The following TMEM163 variants were observed in gnomAD, a reference collection of about 807,000 sequenced individuals.
The protein encoded by TMEM163 is transmembrane protein 163.
In TMEM163, 17 loss-of-function variants were observed where a neutral mutation model predicts 29.3. The observed-to-expected ratio is 0.58, with a 90% CI of 0.40 to 0.87. The LOEUF is 0.87. TMEM163 is among the 40% of genes least tolerant of loss of function. The pLI is 0.00. For synonymous variants in TMEM163, 157 were observed against 160.6 expected, an observed-to-expected ratio of 0.98 and a Z score of 0.17; for missense variants, 303 against 381.5, an observed-to-expected ratio of 0.79 and a Z score of 1.71.
intron 4 of TMEM163, among the ~76,000 whole-genome samples, chr2:134,546,008 T>G (rs1420576545): frequency 6.6e-6 from 1 of 152,174 alleles, no homozygotes; most frequent in Non-Finnish European, 1.5e-5. Context: ...CTGTTGAAAA[T>G]CCTGGCCATG....
intron 2 of TMEM163, among the ~76,000 whole-genome samples, chr2:134,647,603 C>G (rs1297107404): frequency 6.6e-6 from 1 of 152,244 alleles, no homozygotes; most frequent in Non-Finnish European, 1.5e-5. Flanking sequence ...TCCCTACACA[C>G]CACAGATACT....
At chr2:134,703,078 G>C (rs1257764802) in intron 2 of TMEM163, among the ~76,000 whole-genome samples, 1 of 152,222 alleles carries the variant, frequency 6.6e-6, no homozygotes, top group East Asian at 1.9e-4. Flanking sequence ...TGGTTTGAAA[G>C]CTACACCTCC....
intron 6 of TMEM163, among the ~76,000 whole-genome samples, chr2:134,462,355 A>G (rs1686563845): frequency 6.6e-6 from 1 of 152,106 alleles, no homozygotes; most frequent in Admixed American, 6.5e-5. Context: ...AGGGCTCTGC[A>G]GAAAACAGCA....
At chr2:134,618,075 C>G (rs557443472) in intron 2 of TMEM163, among the ~76,000 whole-genome samples, 47 of 152,080 alleles carry the variant, frequency 3.1e-4, no homozygotes, top group African/African-American at 1.1e-3. Context: ...GATCACATCA[C>G]TACAGTCCAG....
In TMEM163 at chr2:134,497,113, G is replaced by A. The variant is rs147264667; in HGVS notation, c.555+5788C>T. 1.6e-3 allele frequency among the ~76,000 whole-genome samples: 240 copies of A among 152,274 alleles called. 4 individuals are homozygous for A. Among genetic ancestry groups the A allele is most frequent in the African/African-American group, 5.5e-3 (228 of 41,532 alleles). On this transcript the variant is annotated intron_variant, in intron 5 of 7. Transcript: ENST00000281924. Reference sequence around the variant, plus strand: ...AGCTCCTCTGTGTTCTCATGTGATCGTGTCTATTATAGCTGTTATCACTAC... The same window carrying A: ...AGCTCCTCTGTGTTCTCATGTGATCATGTCTATTATAGCTGTTATCACTAC...
intron 6 of TMEM163, among the ~76,000 whole-genome samples, chr2:134,463,800 AAC>A (rs1391825111): frequency 6.6e-6 from 1 of 152,180 alleles, no homozygotes; most frequent in Non-Finnish European, 1.5e-5. Flanking sequence ...TGCGGCACCT[AAC>A]AGAGTGTAAA....
intron 2 of TMEM163, among the ~76,000 whole-genome samples, chr2:134,706,775 G>A (rs971290808): frequency 6.6e-6 from 1 of 152,138 alleles, no homozygotes; most frequent in Admixed American, 6.5e-5. Flanking sequence ...GAGGAGGTGA[G>A]GCCAGCCAGG....
At chr2:134,662,515 T>C (rs1373963719) in intron 2 of TMEM163, among the ~76,000 whole-genome samples, 1 of 152,148 alleles carries the variant, frequency 6.6e-6, no homozygotes, top group Non-Finnish European at 1.5e-5. Context: ...ATTATTCATA[T>C]AATTTCAAAA....
At chr2:134,588,953 A>G (rs966114491) in intron 2 of TMEM163, among the ~76,000 whole-genome samples, 14 of 152,172 alleles carry the variant, frequency 9.2e-5, no homozygotes, top group Non-Finnish European at 1.9e-4. Context: ...TTAGTAGGAA[A>G]TGGGGGACAT....
Position 134,465,432 on chromosome 2 carries a change from A to G in TMEM163, c.667+682T>C, listed in dbSNP as rs1217783144. ...TGACCCCTGGGCTCCGCACATGCCCAGGAATAAATCAAAGCAACATGTCCA... is the reference window on the plus strand; with the variant it reads ...TGACCCCTGGGCTCCGCACATGCCCGGGAATAAATCAAAGCAACATGTCCA... On this transcript the variant is annotated intron_variant, in intron 6 of 7. Coordinates refer to ENST00000281924, the MANE Select transcript of TMEM163 (RefSeq NM_030923.5). Among the ~76,000 whole-genome samples the G allele has an allele frequency of 4.6e-5, 7 of 152,342 alleles. No individual in the cohort carries two copies. In the East Asian group the frequency reaches 1.2e-3, roughly 25 times the overall value.
At chr2:134,473,890 C>T (rs1458350143) in intron 5 of TMEM163, among the ~76,000 whole-genome samples, 2 of 152,196 alleles carry the variant, frequency 1.3e-5, no homozygotes, top group African/African-American at 4.8e-5. Context: ...TCTCACAAAA[C>T]TTCAGGCCCC....
chr2:134,466,617 C>T (rs961901057), intron 5 of TMEM163: 2 of 185,752 alleles, frequency 1.1e-5, no homozygotes, highest in South Asian at 1.1e-4. Flanking sequence ...TTTTGGAACA[C>T]GTAAACACAC....
In TMEM163 at chr2:134,718,765, G is replaced by A; in HGVS notation, c.171C>T (p.Ser57=). 6 of 1,154,042 alleles carry A rather than the reference G, an allele frequency of 5.2e-6. No individual in the cohort carries two copies. The highest frequency in any genetic ancestry group is 6.4e-6 in the Non-Finnish European group (6 of 938,248). The allele number at this position is 1,154,042 out of a possible 1,614,324, so 71.5% of individuals were successfully genotyped here. ...CCTCCAGCCCGTCGCTGAACTGGCC[G>A]CTCTCGCTGATCCGCACCTGCCGCT... ...EEERQVRISE[S]GQFSDGLEDR... Residue 57 remains serine, a synonymous_variant, in exon 1 of 8, where the codon AGC becomes AGT. Coordinates refer to ENST00000281924, the MANE Select transcript of TMEM163 (RefSeq NM_030923.5).
chr2:134,673,377 C>A (rs901973367), intron 2 of TMEM163, among the ~76,000 whole-genome samples: 2 of 152,282 alleles, frequency 1.3e-5, no homozygotes, highest in Middle Eastern at 6.8e-3. Flanking sequence ...AGTTCCCACT[C>A]CCTTCAAGCC....
chr2:134,526,453 C>T (rs776106001), intron 4 of TMEM163, among the ~76,000 whole-genome samples: 4 of 152,144 alleles, frequency 2.6e-5, no homozygotes, highest in Non-Finnish European at 4.4e-5. Context: ...CCCCATAAAT[C>T]GGAGAAGGTT....
chr2:134,543,024 T>G (rs1483300201), intron 4 of TMEM163, among the ~76,000 whole-genome samples: 1 of 152,204 alleles, frequency 6.6e-6, no homozygotes. Context: ...CTTCACTTGT[T>G]TACATCTGCA....
intron 2 of TMEM163, among the ~76,000 whole-genome samples, chr2:134,690,856 G>A (rs1684449580): frequency 6.6e-6 from 1 of 152,148 alleles, no homozygotes; most frequent in Admixed American, 6.5e-5. Context: ...TCAGTGAAAC[G>A]GAAATACACT....
At chr2:134,530,284 T>C (rs1434492388) in intron 4 of TMEM163, among the ~76,000 whole-genome samples, 1 of 152,120 alleles carries the variant, frequency 6.6e-6, no homozygotes, top group Admixed American at 6.5e-5. Context: ...GTTTAATATA[T>C]ACATTGAGAC....
At position 134,573,371 on chromosome 2, in the gene TMEM163, G is replaced by A. The variant is rs190230136; in HGVS notation, c.323-21280C>T. On this transcript the variant is annotated intron_variant, in intron 2 of 7. Coordinates refer to ENST00000281924, the MANE Select transcript of TMEM163 (RefSeq NM_030923.5). ...AAGTAGTATTTAAATGTATCAGAAA[G>A]GTATAAGCCAGTGTTTCTCAACCGG... Among the ~76,000 whole-genome samples, 3 of 152,328 alleles carry A rather than the reference G, an allele frequency of 2.0e-5. No individual in the cohort carries two copies. In the East Asian group the frequency reaches 5.8e-4, roughly 29 times the overall value.
Sources: allele counts gnomAD v4.1 joint callset (sites outside exome capture counted in the v4.1 genomes callset), GRCh38; gene constraint gnomAD v4.1.1; transcripts MANE v1.5; gene names NCBI Gene and HGNC (gene_info 2026-07-23, HGNC 2026-07-21).